The following HNRNPA0 variants were observed in gnomAD, a reference collection of about 807,000 sequenced individuals.
HNRNPA0 encodes the protein hnRNA binding protein.
For synonymous variants in HNRNPA0, 243 were observed against 195.5 expected (o/e 1.24, Z -2.03); for missense variants, 252 against 433.7 (o/e 0.58, Z 3.72).
In HNRNPA0 at chr5:137,752,114, A is replaced by G. The variant is rs577448574; in HGVS notation, c.*1035T>C. 3 of 142,682 alleles carry G rather than the reference A, an allele frequency of 2.1e-5. No individual in the cohort carries two copies. Among genetic ancestry groups the G allele is most frequent in the South Asian group, 4.3e-4 (2 of 4,620 alleles). The allele number at this position is 142,682 out of a possible 1,614,324, so 8.8% of individuals were successfully genotyped here. A position where few individuals can be genotyped will look rare whatever the true frequency, so the allele number is the denominator to read the frequency against. On this transcript the variant is annotated 3_prime_UTR_variant, in exon 1 of 1. Coordinates refer to ENST00000314940, the MANE Select transcript of HNRNPA0 (RefSeq NM_006805.4). ...TGAGGCCAACAGTTCGGATATAGGA[A>G]AAAAAAAAAAAAAACGTTTAAACCT...
chr5:137,753,110 C>T lies in HNRNPA0; in HGVS notation c.*39G>A. 2 of 1,573,636 alleles carry T rather than the reference C, an allele frequency of 1.3e-6. No homozygotes were observed. The highest frequency in any genetic ancestry group is 1.8e-4 in the Middle Eastern group (1 of 5,508). ...ACCCCACTTGGGCTGTTGGAAAGAGCTACCCCTATAGCCACTCCCAGGCAT... is the reference window on the plus strand; with the variant it reads ...ACCCCACTTGGGCTGTTGGAAAGAGTTACCCCTATAGCCACTCCCAGGCAT... On this transcript the variant is annotated 3_prime_UTR_variant, in exon 1 of 1. Coordinates refer to ENST00000314940, the MANE Select transcript of HNRNPA0 (RefSeq NM_006805.4). This position sits in a 1 kb window ranked among gnomAD's most constrained non-coding sequence, Gnocchi z 6.1.
chr5:137,748,804 G>A lies in HNRNPA0; in HGVS notation c.*4345C>T, dbSNP rs1164793327. The A allele has an allele frequency of 1.3e-5, 2 of 152,022 alleles. No homozygotes were observed. The highest frequency in any genetic ancestry group is 2.4e-5 in the African/African-American group (1 of 41,388). 9.4% of individuals were successfully genotyped at this position (152,022 alleles called of 1,614,324 possible). A position where few individuals can be genotyped will look rare whatever the true frequency, so the allele number is the denominator to read the frequency against. On this transcript the variant is annotated 3_prime_UTR_variant, in exon 1 of 1. Coordinates refer to ENST00000314940, the MANE Select transcript of HNRNPA0 (RefSeq NM_006805.4). ...TTACATTTGCAACGTAAGCATCAAA[G>A]ACAAAATACACCTTTGATTTCTAAA...
chr5:137,747,273 G>A lies in HNRNPA0; in HGVS notation c.*5876C>T, dbSNP rs1217337099. On this transcript the variant is annotated 3_prime_UTR_variant, in exon 1 of 1. Coordinates refer to ENST00000314940, the MANE Select transcript of HNRNPA0 (RefSeq NM_006805.4). ...ACCATGAATAAAGCCAGAAAAGAGA[G>A]TATGCAGTTCTTTATTTGTCAGCCT... 1 of 152,176 alleles carries A rather than the reference G, an allele frequency of 6.6e-6. No homozygotes were observed. Among genetic ancestry groups the A allele is most frequent in the East Asian group, 1.9e-4 (1 of 5,202 alleles). 9.4% of individuals were successfully genotyped at this position (152,176 alleles called of 1,614,324 possible).
chr5:137,753,515 A>C lies in HNRNPA0; in HGVS notation c.552T>G (p.Gly184=). 1 of 1,605,330 alleles carries C rather than the reference A, an allele frequency of 6.2e-7. No homozygotes were observed. Among genetic ancestry groups the C allele is most frequent in the Non-Finnish European group, 8.5e-7 (1 of 1,175,774 alleles). ...CCCGGGAGGATCGGGAGCCGCCTCC[A>C]CCCCCACCGGAGTAGATATCCTCCT... ...VPKEDIYSGG[G]GGGSRSSRGG... is the part of the protein sequence containing the mutation. The change falls in exon 1 of 1, where the codon GGT becomes GGG. Residue 184 remains glycine (G), a synonymous_variant. Transcript: ENST00000314940. The surrounding 1 kb of genome is among the most constrained non-coding windows in gnomAD (Gnocchi z 6.1).
At position 137,748,012 on chromosome 5, in the gene HNRNPA0, G is replaced by A. The variant is rs1163260112; in HGVS notation, c.*5137C>T. The A allele has an allele frequency of 1.3e-5, 2 of 152,164 alleles. No individual in the cohort carries two copies. Among genetic ancestry groups the A allele is most frequent in the Non-Finnish European group, 2.9e-5 (2 of 68,008 alleles). 9.4% of individuals were successfully genotyped at this position (152,164 alleles called of 1,614,324 possible). A position where few individuals can be genotyped will look rare whatever the true frequency, so the allele number is the denominator to read the frequency against. On this transcript the variant is annotated 3_prime_UTR_variant, in exon 1 of 1. Transcript: ENST00000314940. ...TGTCACCAGCTGGGGGTCCTTGGGA[G>A]TTACTTTTCTGGCATGAGATTTAGC...
rs1753418668 is a variant in HNRNPA0 at position 137,747,020 on chromosome 5, A to T, written c.*6129T>A. The stretch of plus-strand genomic sequence containing the variant: ...GTTATTGAAGAGTTTTAATAAAAGG[A>T]ACTATTTACAAGGGTATGGGCACAG... On this transcript the variant is annotated 3_prime_UTR_variant, in exon 1 of 1. Transcript: ENST00000314940. 1 of 152,192 alleles carries T rather than the reference A, an allele frequency of 6.6e-6. No homozygotes were observed. The highest frequency in any genetic ancestry group is 1.5e-5 in the Non-Finnish European group (1 of 68,028). The allele number at this position is 152,192 out of a possible 1,614,324, so 9.4% of individuals were successfully genotyped here. A position where few individuals can be genotyped will look rare whatever the true frequency, so the allele number is the denominator to read the frequency against.
At position 137,749,377 on chromosome 5, in the gene HNRNPA0, T is replaced by C. The variant is rs1208275687; in HGVS notation, c.*3772A>G. 6.6e-6 allele frequency: 1 copy of C among 152,122 alleles called. No homozygotes were observed. Among genetic ancestry groups the C allele is most frequent in the African/African-American group, 2.4e-5 (1 of 41,432 alleles). The allele number at this position is 152,122 out of a possible 1,614,324, so 9.4% of individuals were successfully genotyped here. A position where few individuals can be genotyped will look rare whatever the true frequency, so the allele number is the denominator to read the frequency against. On this transcript the variant is annotated 3_prime_UTR_variant, in exon 1 of 1. Coordinates refer to ENST00000314940, the MANE Select transcript of HNRNPA0 (RefSeq NM_006805.4). ...TGGCTTCAAATCAAAGTAAAAAAAA[T>C]AGGTGGAAAATAGAGAATTGCCCTT...
Position 137,754,114 on chromosome 5 carries a change from C to G in HNRNPA0, c.-48G>C. Reference sequence around the variant, plus strand: ...CCGCCCTGCGAGCTCCGAGGTTTCGCCGTCGCCGCCGTTATCGTTGGTTAA... The same window carrying G: ...CCGCCCTGCGAGCTCCGAGGTTTCGGCGTCGCCGCCGTTATCGTTGGTTAA... On this transcript the variant is annotated 5_prime_UTR_variant, in exon 1 of 1. Coordinates refer to ENST00000314940, the MANE Select transcript of HNRNPA0 (RefSeq NM_006805.4). 6.5e-7 allele frequency: 1 copy of G among 1,540,328 alleles called. No homozygotes were observed. The highest frequency in any genetic ancestry group is 8.7e-7 in the Non-Finnish European group (1 of 1,144,220).
At position 137,748,847 on chromosome 5, in the gene HNRNPA0, G is replaced by C. The variant is rs1310012286; in HGVS notation, c.*4302C>G. 2.0e-5 allele frequency: 3 copies of C among 152,158 alleles called. No individual in the cohort carries two copies. Among genetic ancestry groups the C allele is most frequent in the African/African-American group, 7.2e-5 (3 of 41,434 alleles). The allele number at this position is 152,158 out of a possible 1,614,324, so 9.4% of individuals were successfully genotyped here. A position where few individuals can be genotyped will look rare whatever the true frequency, so the allele number is the denominator to read the frequency against. ...TTTCTAAAAAGTAATCAATTAAGGAGAAAAGAGTCTTAATTTTCATCAGAG... is the reference window on the plus strand; with the variant it reads ...TTTCTAAAAAGTAATCAATTAAGGACAAAAGAGTCTTAATTTTCATCAGAG... On this transcript the variant is annotated 3_prime_UTR_variant, in exon 1 of 1. Transcript: ENST00000314940.
rs896704862 is a variant in HNRNPA0, at chr5:137,751,097, C to T, written c.*2052G>A. 2.0e-5 allele frequency: 3 copies of T among 152,060 alleles called. No homozygotes were observed. Among genetic ancestry groups the T allele is most frequent in the Non-Finnish European group, 2.9e-5 (2 of 67,984 alleles). 9.4% of individuals were successfully genotyped at this position (152,060 alleles called of 1,614,324 possible). On this transcript the variant is annotated 3_prime_UTR_variant, in exon 1 of 1. Transcript: ENST00000314940. ...GTATCACTAGAATTAAAAAATAAGACAGAAATGTATGGAAAGTGTACAACT... is the reference window on the plus strand; with the variant it reads ...GTATCACTAGAATTAAAAAATAAGATAGAAATGTATGGAAAGTGTACAACT...
chr5:137,754,181 C>T lies in HNRNPA0; in HGVS notation c.-115G>A, dbSNP rs1204534990. The T allele has an allele frequency of 7.3e-7, 1 of 1,363,758 alleles. No homozygotes were observed. Among genetic ancestry groups the T allele is most frequent in the African/African-American group, 1.5e-5 (1 of 68,090 alleles). 84.5% of individuals were successfully genotyped at this position (1,363,758 alleles called of 1,614,324 possible). On this transcript the variant is annotated 5_prime_UTR_variant, in exon 1 of 1. Coordinates refer to ENST00000314940, the MANE Select transcript of HNRNPA0 (RefSeq NM_006805.4). Reference sequence around the variant, plus strand: ...GGGCCCAGCCGTTGCTGGAGCCACCCCCGCCGCTCACCGACGGGGAAGGGA... The same window carrying T: ...GGGCCCAGCCGTTGCTGGAGCCACCTCCGCCGCTCACCGACGGGGAAGGGA...
In HNRNPA0 at chr5:137,751,810, T is replaced by A. The variant is rs1026158824; in HGVS notation, c.*1339A>T. The A allele has an allele frequency of 6.6e-6, 1 of 152,666 alleles. No individual in the cohort carries two copies. Among genetic ancestry groups the A allele is most frequent in the South Asian group, 2.1e-4 (1 of 4,834 alleles). 9.5% of individuals were successfully genotyped at this position (152,666 alleles called of 1,614,324 possible). A position where few individuals can be genotyped will look rare whatever the true frequency, so the allele number is the denominator to read the frequency against. On this transcript the variant is annotated 3_prime_UTR_variant, in exon 1 of 1. Transcript: ENST00000314940. The stretch of plus-strand genomic sequence containing the variant: ...TACGTAGCTGGTTCATTAGTTGTCA[T>A]AGCAATTTAGGGCTATTGCCCAAGC...
rs374613434 is a variant in HNRNPA0, at chr5:137,753,093, T to C, written c.*56A>G. On this transcript the variant is annotated 3_prime_UTR_variant, in exon 1 of 1. Coordinates refer to ENST00000314940, the MANE Select transcript of HNRNPA0 (RefSeq NM_006805.4). The surrounding 1 kb of genome is among the most constrained non-coding windows in gnomAD (Gnocchi z 6.1). Reference sequence around the variant, plus strand: ...GTGGGGCTTAGGAGTTGACCCCACTTGGGCTGTTGGAAAGAGCTACCCCTA... The same window carrying C: ...GTGGGGCTTAGGAGTTGACCCCACTCGGGCTGTTGGAAAGAGCTACCCCTA... The C allele has an allele frequency of 2.6e-6, 4 of 1,540,052 alleles. No homozygotes were observed. In the African/African-American group the frequency reaches 5.5e-5, roughly 21 times the overall value.
Position 137,753,092 on chromosome 5 carries a change from T to C in HNRNPA0, c.*57A>G. The stretch of plus-strand genomic sequence containing the variant: ...GGTGGGGCTTAGGAGTTGACCCCAC[T>C]TGGGCTGTTGGAAAGAGCTACCCCT... On this transcript the variant is annotated 3_prime_UTR_variant, in exon 1 of 1. Coordinates refer to ENST00000314940, the MANE Select transcript of HNRNPA0 (RefSeq NM_006805.4). The surrounding 1 kb of genome is among the most constrained non-coding windows in gnomAD (Gnocchi z 6.1). 1 of 1,539,640 alleles carries C rather than the reference T, an allele frequency of 6.5e-7. No individual in the cohort carries two copies. The highest frequency in any genetic ancestry group is 2.3e-5 in the East Asian group (1 of 44,348).
chr5:137,753,598 C>T lies in HNRNPA0; in HGVS notation c.469G>A (p.Val157Met). The change falls in exon 1 of 1, where the codon GTG becomes ATG. Residue 157 changes from valine to methionine, a missense_variant. Coordinates refer to ENST00000314940, the MANE Select transcript of HNRNPA0 (RefSeq NM_006805.4). This position sits in a 1 kb window ranked among gnomAD's most constrained non-coding sequence, Gnocchi z 6.1. ...QNHDAADKAA[V>M]VKFHPIQGHR... is the part of the protein sequence containing the mutation. ...CCCTGAATCGGATGGAACTTGACCA[C>T]CGCGGCCTTGTCTGCCGCGTCGTGA... 6.2e-7 allele frequency: 1 copy of T among 1,614,178 alleles called. No homozygotes were observed. Among genetic ancestry groups the T allele is most frequent in the Non-Finnish European group, 8.5e-7 (1 of 1,180,034 alleles).
chr5:137,746,423 C>T lies in HNRNPA0; in HGVS notation c.*6726G>A, dbSNP rs1753409651. 1 of 152,218 alleles carries T rather than the reference C, an allele frequency of 6.6e-6. No individual in the cohort carries two copies. The highest frequency in any genetic ancestry group is 2.4e-5 in the African/African-American group (1 of 41,422). The allele number at this position is 152,218 out of a possible 1,614,324, so 9.4% of individuals were successfully genotyped here. ...CTGGCCTCATTATTCCTTTCCTCCT[C>T]TTCCTTCAGGTCCAACAACCCTGAA... On this transcript the variant is annotated 3_prime_UTR_variant, in exon 1 of 1. Transcript: ENST00000314940.
rs1183806680 is a variant in HNRNPA0 at position 137,746,715 on chromosome 5, TTA to T, written c.*6432_*6433del. 1 of 152,206 alleles carries T rather than the reference TTA, an allele frequency of 6.6e-6. No homozygotes were observed. The highest frequency in any genetic ancestry group is 6.5e-5 in the Admixed American group (1 of 15,280). The allele number at this position is 152,206 out of a possible 1,614,324, so 9.4% of individuals were successfully genotyped here. On this transcript the variant is annotated 3_prime_UTR_variant, in exon 1 of 1. Coordinates refer to ENST00000314940, the MANE Select transcript of HNRNPA0 (RefSeq NM_006805.4). ...ATCTTCTAACATACCATATAATTGA[TTA>T]TGTCTTATTGCCTGTCTCTCCCCAG...
In HNRNPA0 at chr5:137,749,702, T is replaced by C. The variant is rs2149947056; in HGVS notation, c.*3447A>G. The C allele has an allele frequency of 6.6e-6, 1 of 152,290 alleles. No individual in the cohort carries two copies. The highest frequency in any genetic ancestry group is 1.9e-4 in the East Asian group (1 of 5,188). 9.4% of individuals were successfully genotyped at this position (152,290 alleles called of 1,614,324 possible). On this transcript the variant is annotated 3_prime_UTR_variant, in exon 1 of 1. Transcript: ENST00000314940. ...GTGCTGTCTTTTTGGGTAAAATCCG[T>C]GTAGTCTAGATGCAGTTCTGCTCCA...
chr5:137,749,846 A>T lies in HNRNPA0; in HGVS notation c.*3303T>A, dbSNP rs1056524641. ...AAGGTAAACTAAGTTTACAAATCCA[A>T]TAACTGATACCATCACTTCTGGTTT... is the stretch of plus-strand genomic sequence containing the variant. On this transcript the variant is annotated 3_prime_UTR_variant, in exon 1 of 1. Transcript: ENST00000314940. 6.6e-6 allele frequency: 1 copy of T among 152,190 alleles called. No individual in the cohort carries two copies. The highest frequency in any genetic ancestry group is 6.5e-5 in the Admixed American group (1 of 15,288). 9.4% of individuals were successfully genotyped at this position (152,190 alleles called of 1,614,324 possible). A position where few individuals can be genotyped will look rare whatever the true frequency, so the allele number is the denominator to read the frequency against.
Sources: gnomAD v4.1 joint callset for allele counts on GRCh38, gnomAD v4.1.1 for gene constraint, Gnocchi (gnomAD v3.1) non-coding constraint, MANE v1.5 for transcripts, NCBI Gene and HGNC (gene_info 2026-07-23, HGNC 2026-07-21) for gene names.